FGD4: variants seen among roughly 807,000 people sequenced by gnomAD.
The protein encoded by FGD4 is FYVE, RhoGEF and PH domain containing 4.
FGD4 carries 42 observed loss-of-function variants against 102.0 expected under a neutral mutation model. That is an observed-to-expected ratio of 0.41 (90% CI 0.32 to 0.53). The LOEUF (loss-of-function observed/expected upper bound fraction) is 0.53, where lower values mean the gene tolerates loss of function less well. FGD4 is among the 20% of genes least tolerant of loss of function. FGD4 has a pLI of 0.21. For synonymous variants in FGD4, 380 were observed against 375.7 expected, an observed-to-expected ratio of 1.01 and a Z score of -0.13; for missense variants, 902 against 1,078.2, an observed-to-expected ratio of 0.84 and a Z score of 2.29.
chr12:32,530,953 T>TTTTG, intron 1 of FGD4, among the ~76,000 whole-genome samples: 1 of 129,260 alleles, frequency 7.7e-6, no homozygotes, highest in African/African-American at 3.1e-5. Context: ...TTTTTTTTTT[T>TTTTG]TTTTTTTTTT....
Position 32,608,014 on chromosome 12 carries a change from C to T in FGD4, c.1462C>T (p.Arg488Trp), listed in dbSNP as rs567870963. 3 of 1,614,164 alleles carry T rather than the reference C, an allele frequency of 1.9e-6. No homozygotes were observed. Among genetic ancestry groups the T allele is most frequent in the Non-Finnish European group, 2.5e-6 (3 of 1,180,024 alleles). ...LQHHMLEPVQRIPRYEMLLKD... is the reference protein window; with the variant it reads ...LQHHMLEPVQWIPRYEMLLKD... The stretch of plus-strand genomic sequence containing the variant: ...GCATCACATGCTAGAACCTGTTCAG[C>T]GGATTCCCCGGTATGAGATGCTCCT... The change falls in exon 8 of 17, where the codon CGG becomes TGG. Residue 488 changes from arginine (R) to tryptophan (W), a missense_variant. By Grantham distance (101) the Arg-to-Trp change is moderately radical. Transcript: ENST00000534526.
chr12:32,625,427 G>A (rs1025714251), intron 13 of FGD4, among the ~76,000 whole-genome samples: 1 of 151,800 alleles, frequency 6.6e-6, no homozygotes, highest in African/African-American at 2.4e-5. Flanking sequence ...ATGCCACCAT[G>A]CCCAGCTAAT....
intron 1 of FGD4, among the ~76,000 whole-genome samples, chr12:32,442,103 G>C (rs556820713): frequency 5.3e-5 from 8 of 151,140 alleles, no homozygotes; most frequent in African/African-American, 1.9e-4. Context: ...ACCCAGGCTG[G>C]AGTGCAGTGG....
At chr12:32,534,265 G>A in intron 1 of FGD4, 1 of 1,291,170 alleles carries the variant, frequency 7.7e-7, no homozygotes, top group Non-Finnish European at 9.9e-7. Flanking sequence ...GGGGAGGTGT[G>A]GCATGTTTTG....
In FGD4 at chr12:32,399,965, C is replaced by CGCCGCGGGGCGCGGGGGAAGGGTG; in HGVS notation, c.166+9_166+10insGCGGGGCGCGGGGGAAGGGTGGCC. The CGCCGCGGGGCGCGGGGGAAGGGTG allele has an allele frequency of 6.9e-7, 1 of 1,453,406 alleles. No homozygotes were observed. 90.0% of individuals were successfully genotyped at this position (1,453,406 alleles called of 1,614,324 possible). A position where few individuals can be genotyped will look rare whatever the true frequency, so the allele number is the denominator to read the frequency against. On this transcript the variant is annotated splice_region_variant and intron_variant, in intron 1 of 16. Coordinates refer to ENST00000534526, the MANE Select transcript of FGD4 (RefSeq NM_001370298.3). ...GGTGCCCTCAGGAGCCACAGGTAAGCGCCTCGGGGCGCGGGGGAAGGGTGG... is the reference window on the plus strand; with the variant it reads ...GGTGCCCTCAGGAGCCACAGGTAAGCGCCGCGGGGCGCGGGGGAAGGGTGGCCTCGGGGCGCGGGGGAAGGGTGG...
chr12:32,546,161 G>A (rs1216573537), intron 1 of FGD4, among the ~76,000 whole-genome samples: 1 of 152,198 alleles, frequency 6.6e-6, no homozygotes, highest in East Asian at 1.9e-4. Context: ...ATGCTAATGG[G>A]TTCCCACAGC....
intron 1 of FGD4, among the ~76,000 whole-genome samples, chr12:32,402,096 G>A (rs1940695594): frequency 7.0e-6 from 1 of 143,002 alleles, no homozygotes; most frequent in Admixed American, 7.1e-5. Flanking sequence ...TAGAGACGGA[G>A]TTTCACCATG....
chr12:32,516,907 A>G (rs1030662021), intron 1 of FGD4, among the ~76,000 whole-genome samples: 2 of 152,226 alleles, frequency 1.3e-5, no homozygotes, highest in African/African-American at 4.8e-5. Flanking sequence ...TAATGAATAC[A>G]TATCTAAGAC....
intron 1 of FGD4, among the ~76,000 whole-genome samples, chr12:32,505,703 C>T (rs7963397): frequency 0.47 from 71,216 of 152,026 alleles, 18,115 homozygotes; most frequent in African/African-American, 0.67. Flanking sequence ...AAAAGTTCCA[C>T]GTTTTACAAA....
chr12:32,630,263 T>G (rs770282993), intron 14 of FGD4, among the ~76,000 whole-genome samples: 27 of 152,224 alleles, frequency 1.8e-4, no homozygotes, highest in Non-Finnish European at 3.2e-4. Flanking sequence ...TATAGCAAAA[T>G]TCTTCTCAGA....
At position 32,399,673 on chromosome 12, in the gene FGD4, C is replaced by T. The variant is rs1463900556; in HGVS notation, c.-121C>T. The T allele has an allele frequency of 1.4e-6, 2 of 1,448,986 alleles. No individual in the cohort carries two copies. The highest frequency in any genetic ancestry group is 3.0e-5 in the African/African-American group (2 of 67,040). 89.8% of individuals were successfully genotyped at this position (1,448,986 alleles called of 1,614,324 possible). On this transcript the variant is annotated 5_prime_UTR_variant, in exon 1 of 17. Coordinates refer to ENST00000534526, the MANE Select transcript of FGD4 (RefSeq NM_001370298.3). ...GAGGAGGCACTCGCTGAGGAGACGC[C>T]GCAGTAGAGGGCGCCCCCGGAGTCG...
intron 2 of FGD4, among the ~76,000 whole-genome samples, chr12:32,567,813 C>T (rs1195338305): frequency 6.6e-6 from 1 of 151,594 alleles, no homozygotes; most frequent in Admixed American, 6.6e-5. Flanking sequence ...TCAGCCTCCT[C>T]AGTAGCTGGA....
chr12:32,527,316 C>G (rs929438872), intron 1 of FGD4, among the ~76,000 whole-genome samples: 4 of 152,208 alleles, frequency 2.6e-5, no homozygotes, highest in Non-Finnish European at 5.9e-5. Flanking sequence ...GGAGCCTAGC[C>G]TGTGGAATGC....
chr12:32,553,914 G>A (rs1943894977), intron 1 of FGD4, among the ~76,000 whole-genome samples: 1 of 152,120 alleles, frequency 6.6e-6, no homozygotes, highest in Admixed American at 6.5e-5. Context: ...AGACCAGCTT[G>A]GGCAACAGAA....
intron 1 of FGD4, among the ~76,000 whole-genome samples, chr12:32,562,245 T>C (rs979706341): frequency 2.0e-5 from 3 of 152,222 alleles, no homozygotes; most frequent in African/African-American, 7.2e-5. Flanking sequence ...GAGGCCTGTG[T>C]ATAACAGTCT....
At chr12:32,621,688 T>TC (rs1402657754) in intron 11 of FGD4, among the ~76,000 whole-genome samples, 1 of 152,232 alleles carries the variant, frequency 6.6e-6, no homozygotes, top group African/African-American at 2.4e-5. Flanking sequence ...AGAGAATATA[T>TC]ACTGAACTTC....
At chr12:32,516,348 T>C (rs1190390604) in intron 1 of FGD4, among the ~76,000 whole-genome samples, 1 of 152,046 alleles carries the variant, frequency 6.6e-6, no homozygotes, top group African/African-American at 2.4e-5. Context: ...TCCACTCTGT[T>C]GCCCAGGCTG....
Position 32,585,222 on chromosome 12 carries a change from T to TTATATATATATATATA in FGD4, c.1011+2775_1011+2790dup, listed in dbSNP as rs140227421. ...AGAGTGAGACCCTGTCTCAAAAATT[T>TTATATATATATATATA]TATATATATATATATATATATATAT... On this transcript the variant is annotated intron_variant, in intron 4 of 16. Coordinates refer to ENST00000534526, the MANE Select transcript of FGD4 (RefSeq NM_001370298.3). Among the ~76,000 whole-genome samples the TTATATATATATATATA allele has an allele frequency of 4.2e-3, 489 of 115,976 alleles. 1 individual carries two copies. The highest frequency in any genetic ancestry group is 5.4e-3 in the Non-Finnish European group (294 of 54,846). The allele number at this position is 115,976 out of a possible 152,430, so 76.1% of individuals were successfully genotyped here.
chr12:32,469,324 G>A lies in FGD4; in HGVS notation c.166+69365G>A, dbSNP rs193287886. Among the ~76,000 whole-genome samples the A allele has an allele frequency of 1.5e-3, 235 of 152,100 alleles. 1 individual carries two copies. The highest frequency in any genetic ancestry group is 5.5e-3 in the African/African-American group (230 of 41,472). On this transcript the variant is annotated intron_variant, in intron 1 of 16. Coordinates refer to ENST00000534526, the MANE Select transcript of FGD4 (RefSeq NM_001370298.3). ...GACAGAGTCTTGCTCTGTCGCCCAGGCTGGAGTGCAGTGGCGCAATCTCGG... is the reference window on the plus strand; with the variant it reads ...GACAGAGTCTTGCTCTGTCGCCCAGACTGGAGTGCAGTGGCGCAATCTCGG...
Sources: gnomAD v4.1 joint callset for allele counts (sites outside exome capture counted in the v4.1 genomes callset) on GRCh38, gnomAD v4.1.1 for gene constraint, MANE v1.5 for transcripts, NCBI Gene and HGNC (gene_info 2026-07-23, HGNC 2026-07-21) for gene names.